The following NTRK2 variants were observed in gnomAD, a reference collection of about 807,000 sequenced individuals.
The protein encoded by NTRK2 is neurotrophic receptor tyrosine kinase 2, also known as BDNF/NT-3 growth factors receptor.
A neutral mutation model predicts 94.5 loss-of-function variants in NTRK2; 13 were observed. That is an observed-to-expected ratio of 0.14 (90% confidence interval 0.09 to 0.22). NTRK2 has a LOEUF of 0.22. Ranked by LOEUF, NTRK2 falls within the 10% of genes least tolerant of loss-of-function variation. The pLI, the probability that NTRK2 is intolerant of heterozygous loss-of-function variation, is 1.00. For missense variants in NTRK2, 639 were observed against 1,071.2 expected (o/e 0.60, Z 5.63); for synonymous variants, 372 against 407.4 (o/e 0.91, Z 1.05).
intron 17 of NTRK2, among the ~76,000 whole-genome samples, chr9:84,965,595 AC>A (rs1283831455): frequency 6.6e-6 from 1 of 152,138 alleles, no homozygotes; most frequent in East Asian, 1.9e-4. Flanking sequence ...CAATTAGATG[AC>A]CTGTTAACAA....
chr9:84,925,436 G>C (rs2077728737), intron 14 of NTRK2, among the ~76,000 whole-genome samples: 1 of 152,072 alleles, frequency 6.6e-6, no homozygotes, highest in Admixed American at 6.5e-5. Flanking sequence ...ACACCACCCA[G>C]GGTAGGCTGC....
intron 12 of NTRK2, among the ~76,000 whole-genome samples, chr9:84,771,184 A>G (rs1381243556): frequency 6.6e-6 from 1 of 152,218 alleles, no homozygotes; most frequent in Non-Finnish European, 1.5e-5. Context: ...ACACAAAATT[A>G]TTCAGCAGGT....
chr9:84,974,036 A>G (rs1826503950), intron 17 of NTRK2, among the ~76,000 whole-genome samples: 2 of 133,848 alleles, frequency 1.5e-5, no homozygotes, highest in Admixed American at 8.1e-5. Flanking sequence ...AGGTAAGAGG[A>G]TTAGATGATA....
At chr9:84,757,555 A>T (rs1485794829) in intron 12 of NTRK2, among the ~76,000 whole-genome samples, 2 of 152,192 alleles carry the variant, frequency 1.3e-5, no homozygotes, top group Non-Finnish European at 2.9e-5. Context: ...CTTACGAGCT[A>T]TGTGACTTTG....
chr9:84,955,541 A>C, intron 17 of NTRK2, 24 bp downstream of exon 17: 1 of 1,581,410 alleles, frequency 6.3e-7, no homozygotes. Flanking sequence ...CAGATCAGAG[A>C]CCCCAGGGAC....
chr9:84,932,607 C>T (rs543399417), intron 14 of NTRK2, among the ~76,000 whole-genome samples: 46 of 152,154 alleles, frequency 3.0e-4, no homozygotes, highest in African/African-American at 5.3e-4. Context: ...CAAGTTACAC[C>T]GCAGTACTAA....
At chr9:84,947,491 G>A (rs2078639197) in intron 15 of NTRK2, among the ~76,000 whole-genome samples, 1 of 137,086 alleles carries the variant, frequency 7.3e-6, no homozygotes, top group Admixed American at 8.4e-5. Flanking sequence ...GCAGAGGAAT[G>A]TGCACATGTG....
intron 17 of NTRK2, among the ~76,000 whole-genome samples, chr9:84,988,024 C>T (rs575217640): frequency 6.6e-6 from 1 of 152,348 alleles, no homozygotes; most frequent in African/African-American, 2.4e-5. Flanking sequence ...CTGCAGGGGA[C>T]ACAGATTTGC....
intron 6 of NTRK2, among the ~76,000 whole-genome samples, chr9:84,713,561 G>C (rs1167145711): frequency 6.6e-6 from 1 of 151,736 alleles, no homozygotes; most frequent in Admixed American, 6.6e-5. Flanking sequence ...TGTTCTTTTT[G>C]CTGGAGTATA....
chr9:84,870,648 A>G (rs1042004647), intron 14 of NTRK2, among the ~76,000 whole-genome samples: 3 of 151,796 alleles, frequency 2.0e-5, no homozygotes, highest in Non-Finnish European at 4.4e-5. Context: ...CCCATTGAAT[A>G]TTTTTTACAA....
chr9:84,910,933 GA>G (rs2077219091), intron 14 of NTRK2, among the ~76,000 whole-genome samples: 1 of 152,172 alleles, frequency 6.6e-6, no homozygotes, highest in Admixed American at 6.5e-5. Flanking sequence ...ATCTACAAAA[GA>G]TTTCACTGGG....
chr9:84,748,258 GT>G (rs1457680820), intron 11 of NTRK2, among the ~76,000 whole-genome samples: 1 of 152,194 alleles, frequency 6.6e-6, no homozygotes, highest in Non-Finnish European at 1.5e-5. Context: ...ACAAAATTCT[GT>G]ATTTCTCAAT....
intron 14 of NTRK2, among the ~76,000 whole-genome samples, chr9:84,884,635 TC>T (rs1470300425): frequency 6.6e-6 from 1 of 152,206 alleles, no homozygotes; most frequent in Non-Finnish European, 1.5e-5. Flanking sequence ...CGTTTGTGAG[TC>T]TTGTGCAAAA....
intron 14 of NTRK2, among the ~76,000 whole-genome samples, chr9:84,900,839 A>C: frequency 6.6e-6 from 1 of 152,230 alleles, no homozygotes; most frequent in East Asian, 1.9e-4. Context: ...CAAATTAAAA[A>C]GTTTTCAACA....
upstream of NTRK2, chr9:84,669,685 T>G (rs1745414837): frequency 6.5e-6 from 1 of 153,214 alleles, no homozygotes; most frequent in African/African-American, 2.4e-5. This position sits in a 1 kb window ranked among gnomAD's most constrained non-coding sequence, Gnocchi z 4.1. Context: ...TTCAGACTAA[T>G]TTTCTGGAGT....
intron 14 of NTRK2, among the ~76,000 whole-genome samples, chr9:84,920,560 A>C (rs2077532003): frequency 6.6e-6 from 1 of 152,120 alleles, no homozygotes; most frequent in African/African-American, 2.4e-5. Flanking sequence ...GCCTCCACCA[A>C]ATGGGGCAGT....
At chr9:84,981,647 T>C (rs4075274) in intron 17 of NTRK2, among the ~76,000 whole-genome samples, 76,171 of 152,028 alleles carry the variant, frequency 0.5, 19,554 homozygotes, top group Middle Eastern at 0.6. Flanking sequence ...TGAAAAGGTA[T>C]GATACTTACA....
At chr9:84,724,546 T>C (rs1288830887) in intron 8 of NTRK2, among the ~76,000 whole-genome samples, 190 bp downstream of exon 8, 1 of 152,270 alleles carries the variant, frequency 6.6e-6, no homozygotes, top group Non-Finnish European at 1.5e-5. Context: ...CTCTTGCTCA[T>C]GCATGTTTTT....
At chr9:84,926,153 C>T (rs1006880612) in intron 14 of NTRK2, among the ~76,000 whole-genome samples, 46 of 91,296 alleles carry the variant, frequency 5.0e-4, no homozygotes, top group East Asian at 1.8e-3. Flanking sequence ...TTCCTTCCTT[C>T]CTTCCTTCCT....
Sources: allele counts gnomAD v4.1 joint callset (sites outside exome capture counted in the v4.1 genomes callset), GRCh38; gene constraint gnomAD v4.1.1; non-coding constraint Gnocchi (gnomAD v3.1); transcripts MANE v1.5; gene names NCBI Gene and HGNC (gene_info 2026-07-23, HGNC 2026-07-21).